CRPPA: variants seen among roughly 807,000 people sequenced by gnomAD.
The protein encoded by CRPPA is D-ribitol-5-phosphate cytidylyltransferase.
CRPPA carries 43 observed loss-of-function variants against 52.0 expected under a neutral mutation model. The ratio of observed to expected loss-of-function variants is 0.83; its 90% confidence interval spans 0.65 to 1.07. The LOEUF (loss-of-function observed/expected upper bound fraction) is 1.07, where lower values mean the gene tolerates loss of function less well. Ranked by LOEUF, CRPPA falls within the 50% of genes least tolerant of loss-of-function variation. The probability of loss-of-function intolerance (pLI) is 0.00; values close to 1 mark genes in which losing one functional copy is unlikely to be tolerated. For missense variants in CRPPA, 629 were observed against 551.7 expected, an observed-to-expected ratio of 1.14 and a Z score of -1.40; for synonymous variants, 250 against 203.5, an observed-to-expected ratio of 1.23 and a Z score of -1.94.
intron 6 of CRPPA, among the ~76,000 whole-genome samples, chr7:16,265,285 C>A (rs1006835956): frequency 2.0e-5 from 3 of 152,172 alleles, no homozygotes; most frequent in African/African-American, 7.2e-5. Flanking sequence ...TCTCCCAATC[C>A]TAGATGCTGG....
intron 8 of CRPPA, among the ~76,000 whole-genome samples, chr7:16,255,680 C>G (rs1338254782): frequency 6.6e-6 from 1 of 152,136 alleles, no homozygotes; most frequent in African/African-American, 2.4e-5. Flanking sequence ...CCGACAAAAA[C>G]AAGCAACGAG....
rs1165430489 is a variant in CRPPA at position 16,381,449 on chromosome 7, G to GA, written c.535-5209dup. 6.8e-3 allele frequency among the ~76,000 whole-genome samples: 1,037 copies of GA among 152,074 alleles called. 12 individuals are homozygous for GA. The highest frequency in any genetic ancestry group is 0.024 in the African/African-American group (1,003 of 41,436). ...TTTGGAATAGGTTTGGTGTGGTGCT[G>GA]AAAAAAATGTATATTCTGTTGATTT... On this transcript the variant is annotated intron_variant, in intron 2 of 9. Coordinates refer to ENST00000407010, the MANE Select transcript of CRPPA (RefSeq NM_001101426.4).
In CRPPA at chr7:16,215,186, T is replaced by G. The variant is rs567613038; in HGVS notation, c.1251+880A>C. Among the ~76,000 whole-genome samples the G allele has an allele frequency of 2.0e-5, 3 of 152,266 alleles. No individual in the cohort carries two copies. In the East Asian group the frequency reaches 5.8e-4, roughly 29 times the overall value. ...CTGTTATTTGCCACCCACAAATAAG[T>G]TTAAATACCTGTCATTCACTGGACA... On this transcript the variant is annotated intron_variant, in intron 9 of 9. Coordinates refer to ENST00000407010, the MANE Select transcript of CRPPA (RefSeq NM_001101426.4).
intron 6 of CRPPA, among the ~76,000 whole-genome samples, chr7:16,274,175 G>A (rs1452382609): frequency 6.6e-6 from 1 of 152,066 alleles, no homozygotes; most frequent in African/African-American, 2.4e-5. Flanking sequence ...TCAGCCTCCC[G>A]AGTAGCTGGG....
chr7:16,401,099 C>A (rs77930372), intron 2 of CRPPA, among the ~76,000 whole-genome samples: 3,032 of 152,252 alleles, frequency 0.02, 94 homozygotes, highest in African/African-American at 0.069. Flanking sequence ...CTTTCCTGTC[C>A]CCAGAGGCTG....
At chr7:16,205,232 C>A (rs758707749) in intron 9 of CRPPA, among the ~76,000 whole-genome samples, 9 of 152,168 alleles carry the variant, frequency 5.9e-5, no homozygotes, top group Non-Finnish European at 8.8e-5. Flanking sequence ...AAAAGGCATG[C>A]ATTTTTAACA....
intron 8 of CRPPA, among the ~76,000 whole-genome samples, chr7:16,249,613 C>T (rs1473606665): frequency 6.6e-6 from 1 of 152,158 alleles, no homozygotes; most frequent in Non-Finnish European, 1.5e-5. Context: ...TTCCAGCAAA[C>T]TCCAACAAAC....
At chr7:16,341,073 G>A (rs921357846) in intron 3 of CRPPA, among the ~76,000 whole-genome samples, 1 of 152,054 alleles carries the variant, frequency 6.6e-6, no homozygotes, top group Non-Finnish European at 1.5e-5. Context: ...AAAATCATCA[G>A]GGGTTGTTAG....
At chr7:16,255,366 C>T (rs11773720) in intron 8 of CRPPA, among the ~76,000 whole-genome samples, 17,908 of 152,136 alleles carry the variant, frequency 0.12, 1,092 homozygotes, top group Non-Finnish European at 0.15. Context: ...GCCATGCTGC[C>T]CAAAGTAATT....
chr7:16,240,836 C>A (rs897568527), intron 8 of CRPPA, among the ~76,000 whole-genome samples: 3 of 152,130 alleles, frequency 2.0e-5, no homozygotes, highest in African/African-American at 7.2e-5. Context: ...TTAAATTTAA[C>A]AGCATCATCG....
chr7:16,305,906 T>C (rs1784899695), intron 4 of CRPPA, among the ~76,000 whole-genome samples: 1 of 152,094 alleles, frequency 6.6e-6, no homozygotes. Context: ...AAAATTTATA[T>C]TCTCTCACAG....
chr7:16,291,326 A>G (rs905915822), intron 5 of CRPPA, among the ~76,000 whole-genome samples: 1 of 152,042 alleles, frequency 6.6e-6, no homozygotes, highest in Non-Finnish European at 1.5e-5. Context: ...TAGCCAATAT[A>G]CAAAATCAAC....
intron 8 of CRPPA, among the ~76,000 whole-genome samples, chr7:16,234,577 T>A (rs1782890625): frequency 6.6e-6 from 1 of 152,156 alleles, no homozygotes; most frequent in African/African-American, 2.4e-5. Context: ...TTATTCTCCT[T>A]AATAGAATGT....
Position 16,091,679 on chromosome 7 carries a change from T to C in CRPPA, c.*16A>G. The C allele has an allele frequency of 2.8e-6, 4 of 1,407,248 alleles. No individual in the cohort carries two copies. The highest frequency in any genetic ancestry group is 3.9e-6 in the Non-Finnish European group (4 of 1,020,310). 87.2% of individuals were successfully genotyped at this position (1,407,248 alleles called of 1,614,324 possible). ...GCAAATAGATGTTTTAGAAAATAGG[T>C]AATTTTTTGTGTTCTTCATGCTATC... On this transcript the variant is annotated 3_prime_UTR_variant, in exon 10 of 10. Transcript: ENST00000407010.
At chr7:16,207,710 T>A (rs1005202796) in intron 9 of CRPPA, among the ~76,000 whole-genome samples, 1 of 152,222 alleles carries the variant, frequency 6.6e-6, no homozygotes, top group Non-Finnish European at 1.5e-5. Context: ...CTATTTGTCA[T>A]GCCATTATTT....
At chr7:16,393,239 A>G (rs1052554476) in intron 2 of CRPPA, among the ~76,000 whole-genome samples, 7 of 152,212 alleles carry the variant, frequency 4.6e-5, no homozygotes, top group Non-Finnish European at 8.8e-5. Flanking sequence ...ATAGTTTAGA[A>G]TGCATATATA....
At chr7:16,184,354 A>C (rs540439993) in intron 9 of CRPPA, among the ~76,000 whole-genome samples, 72 of 152,326 alleles carry the variant, frequency 4.7e-4, no homozygotes, top group African/African-American at 1.7e-3. Context: ...TAATTAGCAA[A>C]GAAAATATAA....
chr7:16,244,584 T>C (rs927857859), intron 8 of CRPPA, among the ~76,000 whole-genome samples: 1 of 152,214 alleles, frequency 6.6e-6, no homozygotes, highest in Non-Finnish European at 1.5e-5. Flanking sequence ...CCTAACCCAA[T>C]GTTGTTTTTG....
rs529840273 is a variant in CRPPA, at chr7:16,398,421, CAT to C, written c.534+7638_534+7639del. ...ACGTGACCAACATAAGTGATTCACA[CAT>C]GATTGACGTGACCGAGGTTTGTGAC... On this transcript the variant is annotated intron_variant, in intron 2 of 9. Transcript: ENST00000407010. Among the ~76,000 whole-genome samples the C allele has an allele frequency of 1.6e-3, 248 of 151,888 alleles. 1 individual carries two copies. Among genetic ancestry groups the C allele is most frequent in the African/African-American group, 2.6e-3 (108 of 41,446 alleles).
Sources: gnomAD v4.1 joint callset for allele counts (sites outside exome capture counted in the v4.1 genomes callset) on GRCh38, gnomAD v4.1.1 for gene constraint, MANE v1.5 for transcripts, NCBI Gene and HGNC (gene_info 2026-07-23, HGNC 2026-07-21) for gene names.